The following NOPCHAP1 variants were observed in gnomAD, a reference collection of about 807,000 sequenced individuals.
NOPCHAP1 encodes DNA damage-sensitive RNA 1.
NOPCHAP1 carries 13 observed loss-of-function variants against 14.0 expected under a neutral mutation model. The ratio of observed to expected loss-of-function variants is 0.93; its 90% CI spans 0.60 to 1.47. The LOEUF (loss-of-function observed/expected upper bound fraction) is 1.47, where lower values mean the gene tolerates loss of function less well. Ranked by LOEUF, NOPCHAP1 falls within the 40% of genes most tolerant of loss-of-function variation. The pLI is 0.00. For missense variants in NOPCHAP1, 230 were observed against 226.9 expected, an observed-to-expected ratio of 1.01 and a Z score of -0.09; for synonymous variants, 78 against 78.4, an observed-to-expected ratio of 1.00 and a Z score of 0.03.
rs549991623 is a variant in NOPCHAP1, at chr12:104,997,781, A to T, written c.*3085A>T. On this transcript the variant is annotated 3_prime_UTR_variant, in exon 4 of 4. Coordinates refer to ENST00000552951, the MANE Select transcript of NOPCHAP1 (RefSeq NM_152318.3). The stretch of plus-strand genomic sequence containing the variant: ...GGTTGGGGAAGTTTTCATCAGCGAT[A>T]TCCTGAAATATGTTTTCAAAGTTGC... The T allele has an allele frequency of 1.7e-4, 26 of 152,336 alleles. No homozygotes were observed. The highest frequency in any genetic ancestry group is 1.2e-3 in the Admixed American group (19 of 15,300). 9.4% of individuals were successfully genotyped at this position (152,336 alleles called of 1,614,324 possible).
chr12:105,007,270 C>T lies in NOPCHAP1; in HGVS notation c.*12574C>T, dbSNP rs905292918. 4 of 152,102 alleles carry T rather than the reference C, an allele frequency of 2.6e-5. No homozygotes were observed. Among genetic ancestry groups the T allele is most frequent in the Non-Finnish European group, 4.4e-5 (3 of 68,014 alleles). The allele number at this position is 152,102 out of a possible 1,614,324, so 9.4% of individuals were successfully genotyped here. Reference sequence around the variant, plus strand: ...ACAAAAAGATTTTTGTGCCCGCTAGCGTAGCTGCAGCAATGGCTTCACAAA... The same window carrying T: ...ACAAAAAGATTTTTGTGCCCGCTAGTGTAGCTGCAGCAATGGCTTCACAAA... On this transcript the variant is annotated 3_prime_UTR_variant, in exon 4 of 4. Transcript: ENST00000552951.
In NOPCHAP1 at chr12:105,008,785, A is replaced by G. The variant is rs1282281011; in HGVS notation, c.*14089A>G. ...TTTTGTCAAGTTTTTCAAAGATCAG[A>G]TGGTTGTAGATGTGTGGTATTATTT... is the stretch of plus-strand genomic sequence containing the variant. On this transcript the variant is annotated 3_prime_UTR_variant, in exon 4 of 4. Coordinates refer to ENST00000552951, the MANE Select transcript of NOPCHAP1 (RefSeq NM_152318.3). 6.6e-6 allele frequency: 1 copy of G among 152,126 alleles called. No homozygotes were observed. Among genetic ancestry groups the G allele is most frequent in the South Asian group, 2.1e-4 (1 of 4,826 alleles). The allele number at this position is 152,126 out of a possible 1,614,324, so 9.4% of individuals were successfully genotyped here.
At chr12:104,986,493 G>C in intron 1 of NOPCHAP1, 26 bp downstream of exon 1, 1 of 1,561,476 alleles carries the variant, frequency 6.4e-7, no homozygotes, top group Non-Finnish European at 8.7e-7. Flanking sequence ...CGGCGGCATG[G>C]GCCGCACACG....
chr12:104,991,288 G>A (rs150553992), intron 2 of NOPCHAP1, among the ~76,000 whole-genome samples: 5 of 152,184 alleles, frequency 3.3e-5, no homozygotes, highest in Admixed American at 6.5e-5. Context: ...GAAAGGGAAC[G>A]TATGTTGGGT....
chr12:105,016,436 G>A lies in NOPCHAP1; in HGVS notation c.*21740G>A, dbSNP rs925880499. The stretch of plus-strand genomic sequence containing the variant: ...AAATGTAACTTTTGAGGACTTTATT[G>A]TATGTATGCGTATTAGTCTGTTCTC... On this transcript the variant is annotated 3_prime_UTR_variant, in exon 4 of 4. Coordinates refer to ENST00000552951, the MANE Select transcript of NOPCHAP1 (RefSeq NM_152318.3). 5 of 152,156 alleles carry A rather than the reference G, an allele frequency of 3.3e-5. No individual in the cohort carries two copies. Among genetic ancestry groups the A allele is most frequent in the Non-Finnish European group, 7.3e-5 (5 of 68,044 alleles). The allele number at this position is 152,156 out of a possible 1,614,324, so 9.4% of individuals were successfully genotyped here. A position where few individuals can be genotyped will look rare whatever the true frequency, so the allele number is the denominator to read the frequency against.
chr12:104,990,231 C>T (rs1873343154), intron 2 of NOPCHAP1, among the ~76,000 whole-genome samples: 1 of 152,182 alleles, frequency 6.6e-6, no homozygotes, highest in Non-Finnish European at 1.5e-5. Flanking sequence ...TCAGCATATA[C>T]TCTCCTAGAG....
At position 104,997,490 on chromosome 12, in the gene NOPCHAP1, TAATAAA is replaced by T. The variant is rs1170554679; in HGVS notation, c.*2801_*2806del. 6.6e-6 allele frequency: 1 copy of T among 152,198 alleles called. No individual in the cohort carries two copies. Among genetic ancestry groups the T allele is most frequent in the African/African-American group, 2.4e-5 (1 of 41,444 alleles). The allele number at this position is 152,198 out of a possible 1,614,324, so 9.4% of individuals were successfully genotyped here. ...ATGTACCCTAAAACTTAAAGTATAATAATAAAAATAAATAAATAAAGAATGCTGAAT... is the reference window on the plus strand; with the variant it reads ...ATGTACCCTAAAACTTAAAGTATAATAATAAATAAATAAAGAATGCTGAAT... On this transcript the variant is annotated 3_prime_UTR_variant, in exon 4 of 4. Transcript: ENST00000552951.
rs1386659677 is a variant in NOPCHAP1, at chr12:104,997,340, T to C, written c.*2644T>C. 6.6e-6 allele frequency: 1 copy of C among 152,240 alleles called. No individual in the cohort carries two copies. The highest frequency in any genetic ancestry group is 1.5e-5 in the Non-Finnish European group (1 of 68,042). 9.4% of individuals were successfully genotyped at this position (152,240 alleles called of 1,614,324 possible). A position where few individuals can be genotyped will look rare whatever the true frequency, so the allele number is the denominator to read the frequency against. Reference sequence around the variant, plus strand: ...GAAAAGGATCTTATTTCTCCTTTGCTTATGAAGCTTAGTTTAGTCAGATAT... The same window carrying C: ...GAAAAGGATCTTATTTCTCCTTTGCCTATGAAGCTTAGTTTAGTCAGATAT... On this transcript the variant is annotated 3_prime_UTR_variant, in exon 4 of 4. Transcript: ENST00000552951.
rs1873894902 is a variant in NOPCHAP1, at chr12:105,014,026, G to C, written c.*19330G>C. On this transcript the variant is annotated 3_prime_UTR_variant, in exon 4 of 4. Coordinates refer to ENST00000552951, the MANE Select transcript of NOPCHAP1 (RefSeq NM_152318.3). ...ACTGTGATAGGCAATTTACTGCAGA[G>C]AGGAACTGTTCACACAGAGATGATT... is the stretch of plus-strand genomic sequence containing the variant. 1 of 152,242 alleles carries C rather than the reference G, an allele frequency of 6.6e-6. No individual in the cohort carries two copies. The highest frequency in any genetic ancestry group is 1.5e-5 in the Non-Finnish European group (1 of 68,056). 9.4% of individuals were successfully genotyped at this position (152,242 alleles called of 1,614,324 possible).
Position 104,986,383 on chromosome 12 carries a change from C to A in NOPCHAP1, c.31C>A (p.Pro11Thr), listed in dbSNP as rs777900503. 6.2e-7 allele frequency: 1 copy of A among 1,611,460 alleles called. No homozygotes were observed. Among genetic ancestry groups the A allele is most frequent in the Admixed American group, 1.7e-5 (1 of 59,752 alleles). Residue 11 changes from proline to threonine, a missense_variant, in exon 1 of 4, where the codon CCG (proline) becomes ACG (threonine). By Grantham distance (38) the Pro-to-Thr change is conservative (BLOSUM62 -1). Transcript: ENST00000552951. MEVHGKPKAS[P>T]SCSSPTRDSS... Reference sequence around the variant, plus strand: ...GGTCCATGGCAAGCCCAAGGCTAGCCCGAGTTGTTCGTCGCCCACCCGGGA... The same window carrying A: ...GGTCCATGGCAAGCCCAAGGCTAGCACGAGTTGTTCGTCGCCCACCCGGGA...
At chr12:104,992,949 C>A (rs1369648478) in intron 3 of NOPCHAP1, among the ~76,000 whole-genome samples, 1 of 152,114 alleles carries the variant, frequency 6.6e-6, no homozygotes, top group Non-Finnish European at 1.5e-5. Context: ...TTATCTCCTA[C>A]ACAGTCCTCA....
chr12:104,994,592 A>G lies in NOPCHAP1; in HGVS notation c.454A>G (p.Ile152Val), dbSNP rs1246541660. The part of the protein sequence containing the change: ...SSESEDEDDS[I>V]PSEVTIDNIK... Reference sequence around the variant, plus strand: ...AGAATCAGAAGACGAAGATGACAGCATCCCATCTGAAGTCACCATAGATAA... The same window carrying G: ...AGAATCAGAAGACGAAGATGACAGCGTCCCATCTGAAGTCACCATAGATAA... Residue 152 changes from isoleucine to valine, a missense_variant, in exon 4 of 4, where the codon ATC (isoleucine) becomes GTC (valine). Coordinates refer to ENST00000552951, the MANE Select transcript of NOPCHAP1 (RefSeq NM_152318.3). 1 of 1,613,516 alleles carries G rather than the reference A, an allele frequency of 6.2e-7. No homozygotes were observed. The highest frequency in any genetic ancestry group is 1.1e-5 in the South Asian group (1 of 90,982).
At chr12:104,990,362 A>G (rs1873345169) in intron 2 of NOPCHAP1, among the ~76,000 whole-genome samples, 1 of 152,212 alleles carries the variant, frequency 6.6e-6, no homozygotes, top group Non-Finnish European at 1.5e-5. Flanking sequence ...TATCTGTAGC[A>G]ATATATTTAA....
rs938288697 is a variant in NOPCHAP1, at chr12:104,990,639, G to A, written c.203-1073G>A. On this transcript the variant is annotated intron_variant, in intron 2 of 3. Transcript: ENST00000552951. ...TAAGTTTTGAGAGTCTGTTATATGC[G>A]TGGTTATGTGCTGGGCCTCTTTTGA... Among the ~76,000 whole-genome samples, 16 of 152,242 alleles carry A rather than the reference G, an allele frequency of 1.1e-4. 1 individual carries two copies. The highest frequency in any genetic ancestry group is 3.4e-4 in the African/African-American group (14 of 41,552).
chr12:105,009,989 A>C lies in NOPCHAP1; in HGVS notation c.*15293A>C, dbSNP rs1340214937. 2 of 152,074 alleles carry C rather than the reference A, an allele frequency of 1.3e-5. No individual in the cohort carries two copies. Among genetic ancestry groups the C allele is most frequent in the African/African-American group, 4.8e-5 (2 of 41,364 alleles). The allele number at this position is 152,074 out of a possible 1,614,324, so 9.4% of individuals were successfully genotyped here. ...TGATGCTGGTGTCATAAAATGAATT[A>C]GGGAGGAGTCCCTCTTTTTCTATTG... On this transcript the variant is annotated 3_prime_UTR_variant, in exon 4 of 4. Coordinates refer to ENST00000552951, the MANE Select transcript of NOPCHAP1 (RefSeq NM_152318.3).
At chr12:104,987,200 G>C (rs549989745) in intron 1 of NOPCHAP1, among the ~76,000 whole-genome samples, 1 of 152,210 alleles carries the variant, frequency 6.6e-6, no homozygotes, top group Non-Finnish European at 1.5e-5. Flanking sequence ...GATTCCGAAG[G>C]AAGTATAATA....
rs374019637 is a variant in NOPCHAP1 at position 104,988,250 on chromosome 12, C to G, written c.199C>G (p.Pro67Ala). 1 of 1,606,142 alleles carries G rather than the reference C, an allele frequency of 6.2e-7. No homozygotes were observed. Among genetic ancestry groups the G allele is most frequent in the Non-Finnish European group, 8.5e-7 (1 of 1,173,762 alleles). Reference protein sequence around the residue: ...TLQTVRIERSPLLDQVQTFLP... With the variant: ...TLQTVRIERSALLDQVQTFLP... ...TCAAACAGTTCGGATAGAGAGGAGT[C>G]CCTGTAAGTACCTCTTCCCCTCTCT... The change falls in exon 2 of 4, where the codon CCC becomes GCC. Residue 67 changes from proline to alanine, a missense_variant. Coordinates refer to ENST00000552951, the MANE Select transcript of NOPCHAP1 (RefSeq NM_152318.3).
At position 105,000,943 on chromosome 12, in the gene NOPCHAP1, T is replaced by G. The variant is rs931026127; in HGVS notation, c.*6247T>G. ...AACTATTTCATAAGAAACTAATTTA[T>G]TTTGTATTTTCTGTTGGGGTGGATC... On this transcript the variant is annotated 3_prime_UTR_variant, in exon 4 of 4. Transcript: ENST00000552951. 4.6e-5 allele frequency: 7 copies of G among 151,412 alleles called. No individual in the cohort carries two copies. The highest frequency in any genetic ancestry group is 1.5e-4 in the African/African-American group (6 of 41,230). The allele number at this position is 151,412 out of a possible 1,614,324, so 9.4% of individuals were successfully genotyped here.
Position 105,014,232 on chromosome 12 carries a change from GTGTT to G in NOPCHAP1, c.*19540_*19543del, listed in dbSNP as rs1240893331. 12 of 152,158 alleles carry G rather than the reference GTGTT, an allele frequency of 7.9e-5. No homozygotes were observed. Among genetic ancestry groups the G allele is most frequent in the Non-Finnish European group, 1.8e-4 (12 of 68,014 alleles). 9.4% of individuals were successfully genotyped at this position (152,158 alleles called of 1,614,324 possible). A position where few individuals can be genotyped will look rare whatever the true frequency, so the allele number is the denominator to read the frequency against. Reference sequence around the variant, plus strand: ...AAATGGTACTAGGTACCGTCTATAAGTGTTTGTGTGGGTAAGTGCTGATAAATTC... The same window carrying G: ...AAATGGTACTAGGTACCGTCTATAAGTGTGTGGGTAAGTGCTGATAAATTC... On this transcript the variant is annotated 3_prime_UTR_variant, in exon 4 of 4. Coordinates refer to ENST00000552951, the MANE Select transcript of NOPCHAP1 (RefSeq NM_152318.3).
Sources: allele counts gnomAD v4.1 joint callset (sites outside exome capture counted in the v4.1 genomes callset), GRCh38; gene constraint gnomAD v4.1.1; transcripts MANE v1.5; gene names NCBI Gene and HGNC (gene_info 2026-07-23, HGNC 2026-07-21).